SART1: variants seen among roughly 807,000 people sequenced by gnomAD.
SART1 encodes the protein U4/U6.U5 tri-snRNP-associated protein 1.
SART1 carries 28 observed loss-of-function variants against 105.0 expected under a neutral mutation model. The observed-to-expected ratio is 0.27, with a 90% CI of 0.20 to 0.37. SART1 has a LOEUF of 0.37. Ranked by LOEUF, SART1 falls within the 10% of genes least tolerant of loss-of-function variation. SART1 has a pLI of 1.00. For missense variants in SART1, 894 were observed against 1,106.5 expected (o/e 0.81, Z 2.72); for synonymous variants, 472 against 462.9 (o/e 1.02, Z -0.25).
rs145763267 is a variant in SART1, at chr11:65,972,844, C to T, written c.1573-3551C>T. On this transcript the variant is annotated intron_variant, in intron 12 of 19. Coordinates refer to ENST00000312397, the MANE Select transcript of SART1 (RefSeq NM_005146.5). The stretch of plus-strand genomic sequence containing the variant: ...CCATGGGTGAGTTTCTTCAAGAAAC[C>T]ATGAAGAAAAAAGTGAACGTGTAAC... Among the ~76,000 whole-genome samples, 5 of 150,524 alleles carry T rather than the reference C, an allele frequency of 3.3e-5. 1 individual carries two copies. The highest frequency in any genetic ancestry group is 1.2e-4 in the African/African-American group (5 of 41,036).
chr11:65,976,584 C>T lies in SART1; in HGVS notation c.1746+16C>T. On this transcript the variant is annotated intron_variant, in intron 13 of 19. Transcript: ENST00000312397. The surrounding 1 kb of genome is among the most constrained non-coding windows in gnomAD (Gnocchi z 5.1). ...GGAGCTCATGGTGCGTCTGGGGCGG[C>T]CCCGCCCTCTGCTTCCCTCGGCTGG... The T allele has an allele frequency of 6.2e-7, 1 of 1,613,200 alleles. No homozygotes were observed. The highest frequency in any genetic ancestry group is 8.5e-7 in the Non-Finnish European group (1 of 1,179,774).
chr11:65,979,205 C>T lies in SART1; in HGVS notation c.*175C>T, dbSNP rs1051439155. On this transcript the variant is annotated 3_prime_UTR_variant, in exon 20 of 20. Transcript: ENST00000312397. ...CCATCAAATGACACAAACAACTAAACGATGGAAGAGAGAGCGAGCCCGGGT... is the reference window on the plus strand; with the variant it reads ...CCATCAAATGACACAAACAACTAAATGATGGAAGAGAGAGCGAGCCCGGGT... The T allele has an allele frequency of 4.3e-5, 35 of 814,786 alleles. No individual in the cohort carries two copies. The highest frequency in any genetic ancestry group is 2.7e-4 in the Middle Eastern group (1 of 3,732). The allele number at this position is 814,786 out of a possible 1,614,324, so 50.5% of individuals were successfully genotyped here.
chr11:65,977,726 C>T (rs982118656), intron 16 of SART1, 38 bp from the exon 17 acceptor site: 1 of 1,613,778 alleles, frequency 6.2e-7, no homozygotes, highest in African/African-American at 1.3e-5. Flanking sequence ...CAGCAGGCGG[C>T]AGCTCCTCAC....
At position 65,961,808 on chromosome 11, in the gene SART1, GAGA is replaced by G; in HGVS notation, c.31_33del (p.Lys11del). On this transcript the variant is annotated inframe_deletion, in exon 1 of 20. Coordinates refer to ENST00000312397, the MANE Select transcript of SART1 (RefSeq NM_005146.5). Reference sequence around the variant, plus strand: ...GGGGTCGTCCAAGAAGCATCGCGGAGAGAAGGAGGCGGCCGGGACGACGGCGGC... The same window carrying G: ...GGGGTCGTCCAAGAAGCATCGCGGAGAGGAGGCGGCCGGGACGACGGCGGC... 1.9e-6 allele frequency: 3 copies of G among 1,557,486 alleles called. No homozygotes were observed. The highest frequency in any genetic ancestry group is 2.6e-6 in the Non-Finnish European group (3 of 1,158,556).
chr11:65,964,778 T>G (rs748704380), intron 3 of SART1, among the ~76,000 whole-genome samples: 1 of 152,238 alleles, frequency 6.6e-6, no homozygotes, highest in African/African-American at 2.4e-5. Context: ...CGTCGCATAC[T>G]CACTCTGGCT....
At chr11:65,975,404 G>C (rs1161594851) in intron 12 of SART1, among the ~76,000 whole-genome samples, 1 of 136,758 alleles carries the variant, frequency 7.3e-6, no homozygotes, top group Non-Finnish European at 1.5e-5. Flanking sequence ...CCCGGCCCCT[G>C]GAAGAATTTT....
chr11:65,978,928 G>A lies in SART1; in HGVS notation c.2384+14G>A. The A allele has an allele frequency of 2.5e-6, 4 of 1,613,866 alleles. No homozygotes were observed. Among genetic ancestry groups the A allele is most frequent in the Non-Finnish European group, 3.4e-6 (4 of 1,179,970 alleles). On this transcript the variant is annotated intron_variant, in intron 19 of 19. Transcript: ENST00000312397. The surrounding 1 kb of genome is among the most constrained non-coding windows in gnomAD (Gnocchi z 6.8). ...GAGCATGAACGCGTGAGTGGCTCGAGGCTGGTGGGGTAGGGTGTGGTGGGG... is the reference window on the plus strand; with the variant it reads ...GAGCATGAACGCGTGAGTGGCTCGAAGCTGGTGGGGTAGGGTGTGGTGGGG...
Position 65,961,748 on chromosome 11 carries a change from G to C in SART1, c.-33G>C. ...TTCCCATTTTGCGTTGTCTGGGCTC[G>C]GCGGCAGCCGGGCTCGGAGTGGACG... On this transcript the variant is annotated 5_prime_UTR_variant, in exon 1 of 20. Transcript: ENST00000312397. 1.4e-6 allele frequency: 2 copies of C among 1,466,094 alleles called. No individual in the cohort carries two copies. Among genetic ancestry groups the C allele is most frequent in the Non-Finnish European group, 9.0e-7 (1 of 1,113,924 alleles). 90.8% of individuals were successfully genotyped at this position (1,466,094 alleles called of 1,614,324 possible). A position where few individuals can be genotyped will look rare whatever the true frequency, so the allele number is the denominator to read the frequency against.
At position 65,978,710 on chromosome 11, in the gene SART1, G is replaced by A. The variant is rs1179008467; in HGVS notation, c.2262+21G>A. ...AGGCGGTGGGTGCCCTTGGGGATGT[G>A]GGGGGCCCTGTGCCTGCCGGGGCAG... On this transcript the variant is annotated intron_variant, in intron 18 of 19. Transcript: ENST00000312397. The surrounding 1 kb of genome is among the most constrained non-coding windows in gnomAD (Gnocchi z 6.8). 2 of 1,613,034 alleles carry A rather than the reference G, an allele frequency of 1.2e-6. No individual in the cohort carries two copies. Among genetic ancestry groups the A allele is most frequent in the Admixed American group, 1.7e-5 (1 of 59,876 alleles).
chr11:65,966,335 C>T lies in SART1; in HGVS notation c.982-15C>T. The stretch of plus-strand genomic sequence containing the variant: ...GAGCCAGCCTGGGTCCCAACCTGTA[C>T]CTCTTGCCTTGCAGCAAAAACCTCG... On this transcript the variant is annotated splice_polypyrimidine_tract_variant and intron_variant, in intron 8 of 19. Transcript: ENST00000312397. The T allele has an allele frequency of 6.2e-7, 1 of 1,613,994 alleles. No homozygotes were observed. The highest frequency in any genetic ancestry group is 8.5e-7 in the Non-Finnish European group (1 of 1,180,020).
chr11:65,972,228 G>A (rs1203455511), intron 12 of SART1, among the ~76,000 whole-genome samples: 2 of 152,184 alleles, frequency 1.3e-5, no homozygotes, highest in African/African-American at 4.8e-5. Context: ...TAGGGGCATT[G>A]TGGCAGTGTG....
In SART1 at chr11:65,967,605, G is replaced by C; in HGVS notation, c.1429+19G>C. 1 of 1,609,564 alleles carries C rather than the reference G, an allele frequency of 6.2e-7. No homozygotes were observed. The highest frequency in any genetic ancestry group is 8.5e-7 in the Non-Finnish European group (1 of 1,178,656). On this transcript the variant is annotated intron_variant, in intron 11 of 19. Coordinates refer to ENST00000312397, the MANE Select transcript of SART1 (RefSeq NM_005146.5). ...GATGAGGGTGAGGGCCCGGCCAGGGGGTGGGAGGGGCAGGGACAGGAGCCG... is the reference window on the plus strand; with the variant it reads ...GATGAGGGTGAGGGCCCGGCCAGGGCGTGGGAGGGGCAGGGACAGGAGCCG...
At position 65,979,296 on chromosome 11, in the gene SART1, G is replaced by A. The variant is rs551133211; in HGVS notation, c.*266G>A. ...CCTCTGCAGGGCCGGCTCTCTGATAGAAAGTGGAAGGCGGTTTTAGAAACT... is the reference window on the plus strand; with the variant it reads ...CCTCTGCAGGGCCGGCTCTCTGATAAAAAGTGGAAGGCGGTTTTAGAAACT... On this transcript the variant is annotated 3_prime_UTR_variant, in exon 20 of 20. Coordinates refer to ENST00000312397, the MANE Select transcript of SART1 (RefSeq NM_005146.5). 2.9e-5 allele frequency: 17 copies of A among 586,584 alleles called. No homozygotes were observed. The highest frequency in any genetic ancestry group is 2.6e-4 in the African/African-American group (14 of 53,718). The allele number at this position is 586,584 out of a possible 1,614,324, so 36.3% of individuals were successfully genotyped here.
Position 65,964,615 on chromosome 11 carries a change from T to C in SART1, c.427+45T>C, listed in dbSNP as rs140812562. On this transcript the variant is annotated intron_variant, in intron 3 of 19. Transcript: ENST00000312397. Reference sequence around the variant, plus strand: ...TAGGGTTTGGGGGAAAGAGGCCATCTGAAGGGGTCTTTGAAGAAGGTGGGG... The same window carrying C: ...TAGGGTTTGGGGGAAAGAGGCCATCCGAAGGGGTCTTTGAAGAAGGTGGGG... 2,234 of 1,566,270 alleles carry C rather than the reference T, an allele frequency of 1.4e-3. 20 individuals carry two copies. The African/African-American group carries it at 0.024, about 17-fold the overall frequency.
chr11:65,964,192 C>T, intron 2 of SART1, 61 bp downstream of exon 2: 1 of 1,402,960 alleles, frequency 7.1e-7, no homozygotes, highest in Non-Finnish European at 1.0e-6. Flanking sequence ...CTGGGGCCAG[C>T]ACGGGGGAGG....
At chr11:65,969,879 C>G (rs1397353743) in intron 12 of SART1, among the ~76,000 whole-genome samples, 1 of 152,176 alleles carries the variant, frequency 6.6e-6, no homozygotes, top group African/African-American at 2.4e-5. Flanking sequence ...CATGCCACCA[C>G]GCCCAGCTGA....
intron 12 of SART1, among the ~76,000 whole-genome samples, chr11:65,974,454 G>A (rs1855443543): frequency 6.6e-6 from 1 of 151,868 alleles, no homozygotes; most frequent in African/African-American, 2.4e-5. Flanking sequence ...GCTGAGGTGA[G>A]TGGATCACTT....
Position 65,965,129 on chromosome 11 carries a change from C to T in SART1, c.465C>T (p.Val155=), listed in dbSNP as rs1855221817. ...GTKEEPVTAD[V]INPMALRQRE... ...AGGAGGAGCCCGTGACAGCTGATGT[C>T]ATCAACCCTATGGCCTTGCGACAGC... The change falls in exon 4 of 20, where the codon GTC becomes GTT. Residue 155 remains valine (V), a synonymous_variant. Transcript: ENST00000312397. The T allele has an allele frequency of 1.3e-6, 2 of 1,596,364 alleles. No homozygotes were observed. Among genetic ancestry groups the T allele is most frequent in the Non-Finnish European group, 8.5e-7 (1 of 1,175,468 alleles).
At chr11:65,968,456 A>G (rs1855307438) in intron 12 of SART1, among the ~76,000 whole-genome samples, 1 of 151,912 alleles carries the variant, frequency 6.6e-6, no homozygotes, top group African/African-American at 2.4e-5. Context: ...TGTGGGGGAG[A>G]GCGTGGGGAG....
Sources: allele counts gnomAD v4.1 joint callset (sites outside exome capture counted in the v4.1 genomes callset), GRCh38; gene constraint gnomAD v4.1.1; non-coding constraint Gnocchi (gnomAD v3.1); transcripts MANE v1.5; gene names NCBI Gene and HGNC (gene_info 2026-07-23, HGNC 2026-07-21).